The following TUBGCP5 variants were observed in gnomAD, a reference collection of about 807,000 sequenced individuals.
The protein encoded by TUBGCP5 is tubulin gamma complex component 5.
Under a neutral mutation model 134.7 loss-of-function variants are expected in TUBGCP5, and 98 were observed. The observed-to-expected ratio is 0.73, with a 90% CI of 0.62 to 0.86. The LOEUF is 0.86. Ranked by LOEUF, TUBGCP5 falls within the 40% of genes least tolerant of loss-of-function variation. The pLI is 0.00. For synonymous variants in TUBGCP5, 456 were observed against 431.4 expected, an observed-to-expected ratio of 1.06 and a Z score of -0.71; for missense variants, 1,150 against 1,244.8, an observed-to-expected ratio of 0.92 and a Z score of 1.15.
chr15:23,011,152 G>A lies in TUBGCP5; in HGVS notation c.1936C>T (p.Leu646Phe), dbSNP rs755646582. ...LELDDVHDPL[L>F]AINFARMYLE... ...TCTCACCTTGCAAAGTTAATGGCAA[G>A]CAGTGGATCATGAACATCATCCAGT... is the stretch of plus-strand genomic sequence containing the variant. Residue 646 changes from leucine to phenylalanine, a missense_variant, in exon 14 of 23, where the codon CTT (leucine) becomes TTT (phenylalanine). Physicochemically the swap from Leu to Phe is conservative, Grantham distance 22 (BLOSUM62 0). Transcript: ENST00000615383. 6.2e-7 allele frequency: 1 copy of A among 1,614,060 alleles called. No homozygotes were observed. Among genetic ancestry groups the A allele is most frequent in the Admixed American group, 1.7e-5 (1 of 60,016 alleles).
chr15:23,000,270 A>G lies in TUBGCP5; in HGVS notation c.3028+299T>C, dbSNP rs12914045. On this transcript the variant is annotated intron_variant, in intron 22 of 22. Transcript: ENST00000615383. Reference sequence around the variant, plus strand: ...AGATTTTGAAAAGAAATAGTTACAAAAACTACACGATAGTGAAGTGTGACA... The same window carrying G: ...AGATTTTGAAAAGAAATAGTTACAAGAACTACACGATAGTGAAGTGTGACA... The G allele has an allele frequency of 0.1, 130,538 of 1,248,342 alleles. 9,438 individuals carry two copies. The highest frequency in any genetic ancestry group is 0.46 in the East Asian group (14,417 of 31,342). 77.3% of individuals were successfully genotyped at this position (1,248,342 alleles called of 1,614,324 possible).
chr15:23,037,108 G>GT lies in TUBGCP5; in HGVS notation c.190dup (p.Thr64AsnfsTer7). On this transcript the variant is annotated frameshift_variant, in exon 2 of 23. Coordinates refer to ENST00000615383, the MANE Select transcript of TUBGCP5 (RefSeq NM_052903.6). LOFTEE classifies it high-confidence loss of function. ...ATACACACTGACTTACCCTTCGATTGTTTTTTCTATTTTGTGGCTGTTGAC... is the reference window on the plus strand; with the variant it reads ...ATACACACTGACTTACCCTTCGATTGTTTTTTTCTATTTTGTGGCTGTTGAC... 3 of 1,613,686 alleles carry GT rather than the reference G, an allele frequency of 1.9e-6. No individual in the cohort carries two copies. Among genetic ancestry groups the GT allele is most frequent in the Non-Finnish European group, 2.5e-6 (3 of 1,179,916 alleles).
intron 5 of TUBGCP5, 122 bp downstream of exon 5, chr15:23,031,828 C>G: frequency 1.6e-6 from 1 of 614,258 alleles, no homozygotes; most frequent in East Asian, 2.9e-5. Context: ...ATAAATGACT[C>G]TAGCTTAGTG....
chr15:23,030,869 T>A lies in TUBGCP5; in HGVS notation c.622+16A>T. On this transcript the variant is annotated intron_variant, in intron 6 of 22. Transcript: ENST00000615383. The stretch of plus-strand genomic sequence containing the variant: ...TTGTCTATTAGAAAATGCGAGCACC[T>A]CATAACACATAATACCTTTCCAACT... 1 of 1,608,352 alleles carries A rather than the reference T, an allele frequency of 6.2e-7. No homozygotes were observed. The highest frequency in any genetic ancestry group is 1.1e-5 in the South Asian group (1 of 90,284).
chr15:23,005,045 C>A, intron 19 of TUBGCP5, among the ~76,000 whole-genome samples: 1 of 152,300 alleles, frequency 6.6e-6, no homozygotes. Flanking sequence ...AAGTCTATAA[C>A]CTGGCTGCAT....
chr15:23,039,466 G>T lies in TUBGCP5; in HGVS notation c.78C>A (p.Val26=). Residue 26 remains valine (V), a synonymous_variant, in exon 1 of 23, where the codon GTC becomes GTA. Transcript: ENST00000615383. ...GGTCTGCCTCGTCCTGGAGGCCGGC[G>T]ACACCCCGGACGAGCTCCCGCACGT... is the stretch of plus-strand genomic sequence containing the variant. ...ERDVRELVRG[V]AGLQDEADPN... is the part of the protein sequence containing the mutation. The T allele has an allele frequency of 6.5e-7, 1 of 1,543,674 alleles. No individual in the cohort carries two copies. Among genetic ancestry groups the T allele is most frequent in the East Asian group, 2.6e-5 (1 of 38,846 alleles).
rs554299806 is a variant in TUBGCP5 at position 23,026,469 on chromosome 15, T to C, written c.738-264A>G. ...TAATGTTGTTTTCTGGAAAACAAGA[T>C]GTGTATTTTTGCAGTAAGTATACCA... is the stretch of plus-strand genomic sequence containing the variant. On this transcript the variant is annotated intron_variant, in intron 7 of 22. Coordinates refer to ENST00000615383, the MANE Select transcript of TUBGCP5 (RefSeq NM_052903.6). Among the ~76,000 whole-genome samples the C allele has an allele frequency of 8.5e-5, 13 of 152,290 alleles. No homozygotes were observed. In the East Asian group the frequency reaches 2.5e-3, roughly 29 times the overall value.
intron 21 of TUBGCP5, among the ~76,000 whole-genome samples, chr15:23,002,839 A>C (rs1357984748): frequency 1.3e-5 from 2 of 151,778 alleles, no homozygotes; most frequent in Admixed American, 1.3e-4. Flanking sequence ...AAATCAGAAG[A>C]CCTCAGATTT....
At chr15:22,997,921 T>A (rs914352339), downstream of TUBGCP5, among the ~76,000 whole-genome samples, 1 of 152,126 alleles carries the variant, frequency 6.6e-6, no homozygotes, top group Non-Finnish European at 1.5e-5. Flanking sequence ...TGGCCTTTTT[T>A]TTTTTTAAAG....
intron 14 of TUBGCP5, 109 bp from the exon 15 acceptor site, chr15:23,010,242 T>C: frequency 8.4e-7 from 1 of 1,197,066 alleles, no homozygotes; most frequent in Non-Finnish European, 1.2e-6. Flanking sequence ...AGTTACCAAC[T>C]ATTACAGAAA....
intron 23 of TUBGCP5, among the ~76,000 whole-genome samples, chr15:22,986,502 C>T (rs1009039739): frequency 6.6e-6 from 1 of 151,650 alleles, no homozygotes; most frequent in Non-Finnish European, 1.5e-5. Flanking sequence ...TTTGGGAGGC[C>T]AAGGCGGGTG....
chr15:23,007,265 C>T (rs2064775019), intron 16 of TUBGCP5, among the ~76,000 whole-genome samples: 2 of 152,100 alleles, frequency 1.3e-5, no homozygotes, highest in Non-Finnish European at 2.9e-5. Flanking sequence ...AGCTGGGCGC[C>T]TGTAGTCCCA....
In TUBGCP5 at chr15:23,001,111, C is replaced by T. The variant is rs767199522; in HGVS notation, c.2928-442G>A. Among the ~76,000 whole-genome samples the T allele has an allele frequency of 6.2e-4, 95 of 152,126 alleles. 6 individuals carry two copies. The highest frequency in any genetic ancestry group is 4.3e-4 in the Non-Finnish European group (29 of 68,020). ...ATGCTGGAGAGCAGTGGCACGATCTCGGCTCACTGTAACCTCCGCCTCCTG... is the reference window on the plus strand; with the variant it reads ...ATGCTGGAGAGCAGTGGCACGATCTTGGCTCACTGTAACCTCCGCCTCCTG... On this transcript the variant is annotated intron_variant, in intron 21 of 22. Transcript: ENST00000615383.
At chr15:22,997,682 T>A (rs943974898), downstream of TUBGCP5, among the ~76,000 whole-genome samples, 2 of 151,642 alleles carry the variant, frequency 1.3e-5, no homozygotes, top group African/African-American at 2.4e-5. Context: ...AGTGGCATGA[T>A]CTCAGCTCAC....
At chr15:23,036,128 C>T (rs1047483389) in intron 3 of TUBGCP5, among the ~76,000 whole-genome samples, 3 of 152,184 alleles carry the variant, frequency 2.0e-5, no homozygotes, top group African/African-American at 7.2e-5. Flanking sequence ...TTTCCATACG[C>T]TTGCCATCCT....
At chr15:22,988,652 C>A (rs554850128) in intron 23 of TUBGCP5, among the ~76,000 whole-genome samples, 1 of 149,734 alleles carries the variant, frequency 6.7e-6, no homozygotes, top group East Asian at 2.0e-4. Context: ...AGGAGAATGG[C>A]GTGAACCTAG....
chr15:22,995,161 T>G (rs1434058836), downstream of TUBGCP5, among the ~76,000 whole-genome samples: 1 of 151,868 alleles, frequency 6.6e-6, no homozygotes, highest in Non-Finnish European at 1.5e-5. Flanking sequence ...GGAGAATCAC[T>G]TGAACCTGGG....
chr15:23,001,641 CTTTCTTTCTTTCTTTT>C (rs1490299218), intron 21 of TUBGCP5, among the ~76,000 whole-genome samples: 1 of 148,036 alleles, frequency 6.8e-6, no homozygotes, highest in African/African-American at 2.6e-5. Flanking sequence ...CTGTGCTCGG[CTTTCTTTCTTTCTTTT>C]TTTTTTTTTT....
At chr15:22,989,345 T>G (rs550087821) in intron 23 of TUBGCP5, among the ~76,000 whole-genome samples, 1 of 152,236 alleles carries the variant, frequency 6.6e-6, no homozygotes, top group South Asian at 2.1e-4. Flanking sequence ...CTCCTTTACT[T>G]AAAGTCAACT....
Sources: gnomAD v4.1 joint callset for allele counts (sites outside exome capture counted in the v4.1 genomes callset) on GRCh38, gnomAD v4.1.1 for gene constraint, MANE v1.5 for transcripts, NCBI Gene and HGNC (gene_info 2026-07-23, HGNC 2026-07-21) for gene names.